SLC47A2: variants seen among roughly 807,000 people sequenced by gnomAD.
SLC47A2 encodes solute carrier family 47 member 2.
A neutral mutation model predicts 67.7 loss-of-function variants in SLC47A2; 52 were observed. That is an observed-to-expected ratio of 0.77 (90% CI 0.61 to 0.97). The LOEUF is 0.97. Among genes scored for constraint, SLC47A2 ranks in the 50% least tolerant of loss-of-function variants. The probability of loss-of-function intolerance (pLI) is 0.00; values close to 1 mark genes in which losing one functional copy is unlikely to be tolerated. For missense variants in SLC47A2, 676 were observed against 712.3 expected (o/e 0.95, Z 0.58); for synonymous variants, 278 against 292.9 (o/e 0.95, Z 0.52).
chr17:19,705,343 G>T, intron 10 of SLC47A2, 93 bp downstream of exon 10: 1 of 1,368,044 alleles, frequency 7.3e-7, no homozygotes, highest in East Asian at 2.5e-5. Context: ...TCGGGAGACA[G>T]AGATAGCTTC....
intron 4 of SLC47A2, among the ~76,000 whole-genome samples, chr17:19,713,410 A>ATCATCATC (rs1567637550): frequency 1.9e-4 from 28 of 147,638 alleles, no homozygotes; most frequent in African/African-American, 6.9e-4. Flanking sequence ...TAATAATAAT[A>ATCATCATC]ATAATCATCA....
intron 13 of SLC47A2, among the ~76,000 whole-genome samples, chr17:19,696,357 G>A (rs1283083371): frequency 6.6e-6 from 1 of 151,472 alleles, no homozygotes; most frequent in African/African-American, 2.4e-5. Context: ...AGCTACTTGG[G>A]AGGCTGAGGC....
At chr17:19,710,738 C>T (rs1288413157) in intron 5 of SLC47A2, among the ~76,000 whole-genome samples, 6 of 151,944 alleles carry the variant, frequency 3.9e-5, no homozygotes, top group African/African-American at 1.2e-4. Context: ...CAGGTGTGAG[C>T]CACCGTGCCC....
At chr17:19,689,929 T>G (rs1051595226) in intron 13 of SLC47A2, among the ~76,000 whole-genome samples, 1 of 152,012 alleles carries the variant, frequency 6.6e-6, no homozygotes, top group South Asian at 2.1e-4. Context: ...ATACTGAAAT[T>G]TATATGGAAC....
intron 7 of SLC47A2, 133 bp from the exon 8 acceptor site, chr17:19,707,976 A>C: frequency 1.1e-6 from 1 of 884,850 alleles, no homozygotes; most frequent in Non-Finnish European, 1.7e-6. Context: ...TCCTGGGATC[A>C]GACTCAACCA....
chr17:19,712,765 T>C lies in SLC47A2; in HGVS notation c.444-20A>G. 6.2e-7 allele frequency: 1 copy of C among 1,611,194 alleles called. No homozygotes were observed. The highest frequency in any genetic ancestry group is 1.1e-5 in the South Asian group (1 of 90,114). On this transcript the variant is annotated intron_variant, in intron 4 of 16. Coordinates refer to ENST00000433844, the MANE Select transcript of SLC47A2 (RefSeq NM_001099646.3). The stretch of plus-strand genomic sequence containing the variant: ...GTCAACCTGCAAGAGAGGGAGAAGC[T>C]CCGGAGCTGACCAGGCTGTGGCCCG...
chr17:19,679,367 G>C (rs1198205302), intron 16 of SLC47A2, among the ~76,000 whole-genome samples: 1 of 152,184 alleles, frequency 6.6e-6, no homozygotes, highest in Non-Finnish European at 1.5e-5. Context: ...GTGCACACAC[G>C]CCTGGCACTC....
chr17:19,716,418 GCTC>G lies in SLC47A2; in HGVS notation c.123+12_123+14del. The G allele has an allele frequency of 1.2e-6, 2 of 1,604,336 alleles. No individual in the cohort carries two copies. Among genetic ancestry groups the G allele is most frequent in the South Asian group, 1.1e-5 (1 of 88,928 alleles). On this transcript the variant is annotated intron_variant, in intron 1 of 16. Coordinates refer to ENST00000433844, the MANE Select transcript of SLC47A2 (RefSeq NM_001099646.3). ...TCCTCCACTCCCTACCTGCCCCCCA[GCTC>G]CTCCTCCTTACCAGGGGTCCAGAAA...
Position 19,679,937 on chromosome 17 carries a change from C to T in SLC47A2, c.1480+15G>A, listed in dbSNP as rs764876903. 65 of 1,609,260 alleles carry T rather than the reference C, an allele frequency of 4.0e-5. No homozygotes were observed. The highest frequency in any genetic ancestry group is 2.7e-4 in the South Asian group (24 of 90,400). On this transcript the variant is annotated intron_variant, in intron 16 of 16. Coordinates refer to ENST00000433844, the MANE Select transcript of SLC47A2 (RefSeq NM_001099646.3). ...TATATGTGTACCAAAGTAGAAGCAG[C>T]GGTGACAGTATTACCTGAAGATAGG...
chr17:19,711,481 A>G (rs1251882217), intron 5 of SLC47A2, among the ~76,000 whole-genome samples: 1 of 149,430 alleles, frequency 6.7e-6, no homozygotes, highest in South Asian at 2.2e-4. Flanking sequence ...AATCCCAGCT[A>G]CTCGGGAGGC....
intron 1 of SLC47A2, chr17:19,716,116 A>T: frequency 3.1e-6 from 1 of 327,786 alleles, no homozygotes; most frequent in Non-Finnish European, 5.6e-6. Context: ...TGCAGGCTTC[A>T]TGCATCTCTG....
intron 15 of SLC47A2, 116 bp downstream of exon 15, chr17:19,681,251 A>G: frequency 1.2e-6 from 1 of 802,310 alleles, no homozygotes; most frequent in African/African-American, 1.7e-5. Flanking sequence ...CCTGCAGCTT[A>G]TACCACACTG....
At chr17:19,705,628 C>A (rs2085913888) in intron 9 of SLC47A2, 125 bp from the exon 10 acceptor site, 2 of 840,952 alleles carry the variant, frequency 2.4e-6, no homozygotes, top group Non-Finnish European at 3.5e-6. Context: ...GAGACAGGGT[C>A]TCACTCTGTC....
intron 13 of SLC47A2, among the ~76,000 whole-genome samples, chr17:19,696,878 T>C (rs1465758168): frequency 1.3e-5 from 2 of 152,214 alleles, no homozygotes; most frequent in Non-Finnish European, 2.9e-5. Context: ...GTTGAGGGCC[T>C]TCTTGCTGTA....
intron 13 of SLC47A2, among the ~76,000 whole-genome samples, chr17:19,688,545 A>C (rs2085475090): frequency 6.6e-6 from 1 of 152,162 alleles, no homozygotes; most frequent in Non-Finnish European, 1.5e-5. Flanking sequence ...CCAGATTGAA[A>C]AGGAAATCAA....
At chr17:19,698,334 T>C (rs890417615) in intron 13 of SLC47A2, among the ~76,000 whole-genome samples, 14 of 152,158 alleles carry the variant, frequency 9.2e-5, no homozygotes, top group Admixed American at 2.6e-4. Context: ...GCTCAGTTAC[T>C]TCTCGTATCA....
intron 13 of SLC47A2, among the ~76,000 whole-genome samples, chr17:19,694,169 T>A (rs1177298793): frequency 1.3e-5 from 2 of 152,170 alleles, no homozygotes; most frequent in Non-Finnish European, 2.9e-5. Flanking sequence ...ATTGGAGGCC[T>A]CAATATTGTT....
chr17:19,709,686 A>T (rs1451546493), intron 5 of SLC47A2, among the ~76,000 whole-genome samples: 1 of 152,220 alleles, frequency 6.6e-6, no homozygotes, highest in Admixed American at 6.5e-5. Context: ...ACATTTAAGC[A>T]TTCCAAGTGT....
chr17:19,713,390 G>GTAATAATAA lies in SLC47A2; in HGVS notation c.443+426_443+434dup, dbSNP rs34354818. 3.2e-3 allele frequency among the ~76,000 whole-genome samples: 478 copies of GTAATAATAA among 148,722 alleles called. 2 individuals are homozygous for GTAATAATAA. Among genetic ancestry groups the GTAATAATAA allele is most frequent in the South Asian group, 5.0e-3 (23 of 4,580 alleles). ...GCGACAGAGCGAGACTCTGTCTCAA[G>GTAATAATAA]TAATAATAATAATAATAATAATAAT... On this transcript the variant is annotated intron_variant, in intron 4 of 16. Transcript: ENST00000433844.
Sources: gnomAD v4.1 joint callset for allele counts (sites outside exome capture counted in the v4.1 genomes callset) on GRCh38, gnomAD v4.1.1 for gene constraint, MANE v1.5 for transcripts, NCBI Gene and HGNC (gene_info 2026-07-23, HGNC 2026-07-21) for gene names.